RTTN: variants seen among roughly 807,000 people sequenced by gnomAD.
RTTN encodes rotatin.
In RTTN, 182 loss-of-function variants were observed where a neutral mutation model predicts 269.2. The ratio of observed to expected loss-of-function variants is 0.68; its 90% CI spans 0.60 to 0.76. The LOEUF is 0.76. RTTN is among the 30% of genes least tolerant of loss of function. RTTN has a pLI of 0.00. For missense variants in RTTN, 2,545 were observed against 2,608.6 expected, an observed-to-expected ratio of 0.98 and a Z score of 0.53; for synonymous variants, 1,006 against 963.5, an observed-to-expected ratio of 1.04 and a Z score of -0.82.
chr18:70,055,899 C>T (rs945075880), intron 37 of RTTN, among the ~76,000 whole-genome samples: 22 of 152,248 alleles, frequency 1.4e-4, no homozygotes, highest in African/African-American at 5.3e-4. Flanking sequence ...AGTATCACCC[C>T]ACCAGCAGGG....
At chr18:70,100,475 T>G (rs1025059808) in intron 28 of RTTN, among the ~76,000 whole-genome samples, 12 of 152,246 alleles carry the variant, frequency 7.9e-5, no homozygotes, top group African/African-American at 2.9e-4. Flanking sequence ...AAGGAGATTT[T>G]GGGCTGAGAC....
intron 23 of RTTN, among the ~76,000 whole-genome samples, chr18:70,132,773 C>A (rs2060029202): frequency 6.6e-6 from 1 of 151,936 alleles, no homozygotes; most frequent in Non-Finnish European, 1.5e-5. Context: ...TAATAAAAAG[C>A]AAAGAGTAAT....
chr18:70,204,581 A>G (rs1257835132), intron 2 of RTTN, among the ~76,000 whole-genome samples: 2 of 152,176 alleles, frequency 1.3e-5, no homozygotes, highest in Non-Finnish European at 2.9e-5. Context: ...CCCAGCCCCA[A>G]CCGGTCAACA....
chr18:70,160,234 C>G (rs550397005), intron 14 of RTTN, among the ~76,000 whole-genome samples: 53 of 151,936 alleles, frequency 3.5e-4, no homozygotes, highest in African/African-American at 9.4e-4. Flanking sequence ...GCTAATCCAC[C>G]ACGATCAAGT....
At chr18:70,205,379 T>G in intron 1 of RTTN, 64 bp from the exon 2 acceptor site, 1 of 1,586,366 alleles carries the variant, frequency 6.3e-7, no homozygotes, top group Non-Finnish European at 8.6e-7. Flanking sequence ...TTATTTATGC[T>G]GTGGGCAGGA....
chr18:70,204,405 A>C (rs1172353704), intron 2 of RTTN, 142 bp from the exon 3 acceptor site: 7 of 709,730 alleles, frequency 9.9e-6, no homozygotes, highest in South Asian at 2.0e-5. Context: ...CCCCGAAGTA[A>C]GGCACTTCCA....
Position 70,109,515 on chromosome 18 carries a change from A to G in RTTN, c.3886T>C (p.Leu1296=), listed in dbSNP as rs1354148737. 12 of 1,614,018 alleles carry G rather than the reference A, an allele frequency of 7.4e-6. No homozygotes were observed. The highest frequency in any genetic ancestry group is 1.0e-5 in the Non-Finnish European group (12 of 1,179,968). ...TKPLDICVKY[L]SGLLEVITSF... ...TTACTTACCTCAAGGAGACCTGACA[A>G]GTACTTCACACAGATATCTAGAGGC... The change falls in exon 28 of 49, where the codon TTG becomes CTG. Residue 1296 remains leucine (L), a synonymous_variant. Transcript: ENST00000640769.
At chr18:70,179,453 T>C (rs920447885) in intron 10 of RTTN, among the ~76,000 whole-genome samples, 1 of 152,214 alleles carries the variant, frequency 6.6e-6, no homozygotes, top group Non-Finnish European at 1.5e-5. Context: ...TTCCAACATT[T>C]CTTCTAAGCA....
At chr18:70,097,490 C>T (rs2059032991) in intron 28 of RTTN, among the ~76,000 whole-genome samples, 1 of 152,192 alleles carries the variant, frequency 6.6e-6, no homozygotes, top group South Asian at 2.1e-4. Flanking sequence ...TGTTACCCTG[C>T]TACAATTTTT....
At chr18:70,182,688 G>A (rs1227030391) in intron 10 of RTTN, among the ~76,000 whole-genome samples, 6 of 152,100 alleles carry the variant, frequency 3.9e-5, no homozygotes, top group Admixed American at 3.9e-4. Flanking sequence ...ATGTTTTCCA[G>A]TTACATGGAG....
At chr18:70,205,058 A>G (rs936117731) in intron 2 of RTTN, 70 bp downstream of exon 2, 2 of 1,467,492 alleles carry the variant, frequency 1.4e-6, no homozygotes, top group African/African-American at 2.8e-5. Context: ...CTTTCAATAA[A>G]CGCTACAATT....
At chr18:70,042,527 C>T (rs933047374) in intron 40 of RTTN, among the ~76,000 whole-genome samples, 4 of 151,944 alleles carry the variant, frequency 2.6e-5, no homozygotes, top group African/African-American at 7.3e-5. Flanking sequence ...AGGTGCCCGC[C>T]GCCATGTCTG....
chr18:70,144,682 T>A (rs576930136), intron 18 of RTTN, among the ~76,000 whole-genome samples: 1 of 152,310 alleles, frequency 6.6e-6, no homozygotes, highest in African/African-American at 2.4e-5. Flanking sequence ...AGACCTGGTA[T>A]GTGGCCAGTG....
At chr18:70,171,344 TTCTC>T (rs1221859389) in intron 11 of RTTN, among the ~76,000 whole-genome samples, 1 of 152,092 alleles carries the variant, frequency 6.6e-6, no homozygotes, top group Non-Finnish European at 1.5e-5. Context: ...TTTAAGAGAG[TTCTC>T]TCTGACTCTA....
At chr18:70,092,314 G>A (rs1249709345) in intron 29 of RTTN, 94 bp from the exon 30 acceptor site, 5 of 762,946 alleles carry the variant, frequency 6.6e-6, no homozygotes, top group East Asian at 2.8e-5. Flanking sequence ...TGAAAACAAC[G>A]TGAAAATGTA....
At chr18:70,071,147 T>TGCACTCCATGGAGTGGGACC (rs1260878967) in intron 34 of RTTN, among the ~76,000 whole-genome samples, 2 of 152,168 alleles carry the variant, frequency 1.3e-5, no homozygotes, top group African/African-American at 2.4e-5. Context: ...TGAACAAGCA[T>TGCACTCCATGGAGTGGGACC]GCACTCCATG....
At chr18:70,095,501 C>CA (rs1200158254) in intron 28 of RTTN, among the ~76,000 whole-genome samples, 2 of 152,140 alleles carry the variant, frequency 1.3e-5, no homozygotes, top group African/African-American at 4.8e-5. Context: ...CTGGTGGTGA[C>CA]AAAATCTCTC....
chr18:70,075,542 C>G lies in RTTN; in HGVS notation c.4375-1G>C. ...AGTCCTCATCATGAACACAGGGACC[C>G]TGTAGGAAGAGAGGGAAAGAAGGAG... On this transcript the variant is annotated splice_acceptor_variant, in intron 32 of 48. Transcript: ENST00000640769. LOFTEE classifies it high-confidence loss of function. The G allele has an allele frequency of 6.4e-7, 1 of 1,554,374 alleles. No individual in the cohort carries two copies. The highest frequency in any genetic ancestry group is 8.6e-7 in the Non-Finnish European group (1 of 1,159,134).
chr18:70,083,170 G>A (rs2058616116), intron 32 of RTTN, among the ~76,000 whole-genome samples: 1 of 152,164 alleles, frequency 6.6e-6, no homozygotes, highest in Admixed American at 6.5e-5. Context: ...CCTGGTAGGA[G>A]TGCTAGATGT....
Sources: gnomAD v4.1 joint callset for allele counts (sites outside exome capture counted in the v4.1 genomes callset) on GRCh38, gnomAD v4.1.1 for gene constraint, MANE v1.5 for transcripts, NCBI Gene and HGNC (gene_info 2026-07-23, HGNC 2026-07-21) for gene names.